RBM6: variants seen among roughly 807,000 people sequenced by gnomAD.
RBM6 encodes the protein RNA-binding protein 6.
Under a neutral mutation model 140.4 loss-of-function variants are expected in RBM6, and 23 were observed. That is an observed-to-expected ratio of 0.16 (90% confidence interval 0.12 to 0.23). RBM6 has a LOEUF of 0.23. Among genes scored for constraint, RBM6 ranks in the 10% least tolerant of loss-of-function variants. The pLI, the probability that RBM6 is intolerant of heterozygous loss-of-function variation, is 1.00. For missense variants in RBM6, 1,139 were observed against 1,386.7 expected (o/e 0.82, Z 2.84); for synonymous variants, 439 against 475.6 (o/e 0.92, Z 1.00).
intron 6 of RBM6, among the ~76,000 whole-genome samples, chr3:50,011,897 A>T (rs775312714): frequency 1.3e-5 from 2 of 150,786 alleles, no homozygotes; most frequent in East Asian, 3.9e-4. Context: ...CTGTTGCCCA[A>T]GCTGAGTGCA....
At chr3:49,940,885 A>G (rs1248380514) in intron 1 of RBM6, 3 of 127,480 alleles carry the variant, frequency 2.4e-5, no homozygotes, top group African/African-American at 8.8e-5. Context: ...CAACTTTGGG[A>G]ATGCCTTTTT....
At position 50,062,127 on chromosome 3, in the gene RBM6, T is replaced by C; in HGVS notation, c.2586+19T>C. On this transcript the variant is annotated intron_variant, in intron 15 of 20. Coordinates refer to ENST00000266022, the MANE Select transcript of RBM6 (RefSeq NM_005777.3). ...GACGAGGGTAAGAGGAATTGTTAATTTGCTGTCTTTTGCCACATAGTTATT... is the reference window on the plus strand; with the variant it reads ...GACGAGGGTAAGAGGAATTGTTAATCTGCTGTCTTTTGCCACATAGTTATT... The C allele has an allele frequency of 6.2e-7, 1 of 1,607,344 alleles. No homozygotes were observed. The highest frequency in any genetic ancestry group is 1.3e-5 in the African/African-American group (1 of 74,614).
chr3:50,051,917 T>C (rs925630986), intron 7 of RBM6, among the ~76,000 whole-genome samples: 2 of 152,218 alleles, frequency 1.3e-5, no homozygotes, highest in Non-Finnish European at 2.9e-5. Flanking sequence ...CACAATTCCA[T>C]GTCCCTAGGG....
At chr3:49,980,050 G>T (rs889009414) in intron 5 of RBM6, among the ~76,000 whole-genome samples, 3 of 151,800 alleles carry the variant, frequency 2.0e-5, no homozygotes, top group Non-Finnish European at 4.4e-5. Flanking sequence ...ACCCAAGCTG[G>T]AGCGTAATGG....
intron 3 of RBM6, 137 bp downstream of exon 3, chr3:49,968,885 T>C: frequency 8.7e-7 from 1 of 1,154,194 alleles, no homozygotes; most frequent in East Asian, 2.6e-5. Context: ...GTTCATGCCA[T>C]TCTCCTGCCT....
At chr3:49,999,338 G>A in intron 5 of RBM6, 102 bp from the exon 6 acceptor site, 1 of 940,304 alleles carries the variant, frequency 1.1e-6, no homozygotes, top group Non-Finnish European at 1.7e-6. Flanking sequence ...TTAGTTGGGA[G>A]GGCTTGTGTT....
At chr3:50,053,626 C>T (rs1295288061) in intron 7 of RBM6, among the ~76,000 whole-genome samples, 1 of 152,156 alleles carries the variant, frequency 6.6e-6, no homozygotes, top group Non-Finnish European at 1.5e-5. Flanking sequence ...CTATAAGGCC[C>T]TCCTCAAATA....
chr3:50,064,326 T>G (rs1214478268), intron 15 of RBM6, among the ~76,000 whole-genome samples: 1 of 151,998 alleles, frequency 6.6e-6, no homozygotes, highest in Non-Finnish European at 1.5e-5. Context: ...TCATACTGAT[T>G]TAATATTTGG....
In RBM6 at chr3:49,967,088, C is replaced by T. The variant is rs1250026778; in HGVS notation, c.45-382C>T. On this transcript the variant is annotated intron_variant, in intron 2 of 20. Coordinates refer to ENST00000266022, the MANE Select transcript of RBM6 (RefSeq NM_005777.3). The surrounding 1 kb of genome is among the most constrained non-coding windows in gnomAD (Gnocchi z 4.0). The stretch of plus-strand genomic sequence containing the variant: ...ATTGATTTTTCTGATATATAGGAAT[C>T]GTCATGTTGACCTTGGAATTCTTAA... 1 of 324,730 alleles carries T rather than the reference C, an allele frequency of 3.1e-6. No homozygotes were observed. Among genetic ancestry groups the T allele is most frequent in the Non-Finnish European group, 4.6e-6 (1 of 215,438 alleles). 20.1% of individuals were successfully genotyped at this position (324,730 alleles called of 1,614,324 possible). A position where few individuals can be genotyped will look rare whatever the true frequency, so the allele number is the denominator to read the frequency against.
At chr3:50,024,303 G>A (rs2087675841) in intron 6 of RBM6, among the ~76,000 whole-genome samples, 1 of 152,052 alleles carries the variant, frequency 6.6e-6, no homozygotes, top group South Asian at 2.1e-4. Flanking sequence ...AAGATATCAT[G>A]TCGTAAGTGT....
intron 6 of RBM6, among the ~76,000 whole-genome samples, chr3:50,038,608 G>C (rs986866355): frequency 6.6e-6 from 1 of 152,172 alleles, no homozygotes; most frequent in Non-Finnish European, 1.5e-5. Context: ...GAGGCGGGCG[G>C]ATCATGAGGT....
chr3:49,965,669 CAA>C (rs764237339), intron 2 of RBM6, among the ~76,000 whole-genome samples: 13 of 107,928 alleles, frequency 1.2e-4, no homozygotes, highest in Non-Finnish European at 7.7e-5. Flanking sequence ...GACTCCGTCT[CAA>C]AAAAAAAAAA....
At chr3:50,061,627 C>T (rs1161494722) in intron 14 of RBM6, 80 bp downstream of exon 14, 2 of 1,456,344 alleles carry the variant, frequency 1.4e-6, no homozygotes, top group African/African-American at 3.4e-5. Context: ...CCATAATTTG[C>T]TACTTGAGGA....
At chr3:50,043,206 G>A (rs1296693127) in intron 6 of RBM6, among the ~76,000 whole-genome samples, 2 of 152,088 alleles carry the variant, frequency 1.3e-5, no homozygotes, top group Non-Finnish European at 2.9e-5. Context: ...CCTCTTAGCC[G>A]GGTGCAGTGG....
intron 4 of RBM6, among the ~76,000 whole-genome samples, chr3:49,972,419 A>G (rs1424611162): frequency 6.6e-6 from 1 of 152,210 alleles, no homozygotes; most frequent in Non-Finnish European, 1.5e-5. Flanking sequence ...AAAAATTATG[A>G]CAAATGATTG....
Position 50,061,141 on chromosome 3 carries a change from G to A in RBM6, c.2273G>A (p.Gly758Asp), listed in dbSNP as rs1176876306. Residue 758 changes from glycine to aspartate, a missense_variant and splice_region_variant, in exon 13 of 21, where the codon GGT (glycine) becomes GAT (aspartate). Gly to Asp is a moderately conservative substitution (Grantham distance 94). Transcript: ENST00000266022. ...DHSDHMHYYQ[G>D]KKYFRDRRGG... ...TTTTAACTTGCCTTTCTGTGATAGG[G>A]TAAAAAATATTTCCGAGATAGGAGG... 2.5e-6 allele frequency: 4 copies of A among 1,614,168 alleles called. No homozygotes were observed. The highest frequency in any genetic ancestry group is 1.7e-5 in the Admixed American group (1 of 60,018).
intron 5 of RBM6, among the ~76,000 whole-genome samples, chr3:49,986,421 C>G (rs1378183274): frequency 1.3e-5 from 2 of 151,516 alleles, no homozygotes; most frequent in Non-Finnish European, 1.5e-5. Flanking sequence ...GGTGAAACCC[C>G]ATCTGTACTA....
At chr3:50,064,646 G>A (rs2090055891) in intron 15 of RBM6, among the ~76,000 whole-genome samples, 1 of 151,910 alleles carries the variant, frequency 6.6e-6, no homozygotes, top group Non-Finnish European at 1.5e-5. Flanking sequence ...CAAGTAGCTG[G>A]GATTACAGGC....
Position 49,983,842 on chromosome 3 carries a change from C to T in RBM6, c.1483+8450C>T, listed in dbSNP as rs147721304. 2.6e-3 allele frequency among the ~76,000 whole-genome samples: 396 copies of T among 152,178 alleles called. 1 individual carries two copies. The highest frequency in any genetic ancestry group is 9.1e-3 in the African/African-American group (376 of 41,528). On this transcript the variant is annotated intron_variant, in intron 5 of 20. Transcript: ENST00000266022. ...GAGACACTAATAGGGCTGGGCTAGT[C>T]TTGTGGAGGCAGTGGATGGACGCTT...
Sources: gnomAD v4.1 joint callset for allele counts (sites outside exome capture counted in the v4.1 genomes callset) on GRCh38, gnomAD v4.1.1 for gene constraint, Gnocchi (gnomAD v3.1) non-coding constraint, MANE v1.5 for transcripts, NCBI Gene and HGNC (gene_info 2026-07-23, HGNC 2026-07-21) for gene names.